The following FGF12 variants were observed in gnomAD, a reference collection of about 807,000 sequenced individuals.
FGF12 encodes the protein fibroblast growth factor 12, also known as fibroblast growth factor 12B.
A neutral mutation model predicts 23.6 loss-of-function variants in FGF12; 14 were observed. The observed-to-expected ratio is 0.59, with a 90% CI of 0.39 to 0.93. FGF12 has a LOEUF of 0.93. FGF12 is among the 40% of genes least tolerant of loss of function. FGF12 has a pLI of 0.00. For missense variants in FGF12, 175 were observed against 217.8 expected (o/e 0.80, Z 1.24); for synonymous variants, 62 against 77.3 (o/e 0.80, Z 1.04).
At chr3:192,172,480 A>G (rs1370230015) in intron 4 of FGF12, among the ~76,000 whole-genome samples, 2 of 150,798 alleles carry the variant, frequency 1.3e-5, no homozygotes. Context: ...ATGAATAGCA[A>G]TAAATTAATA....
At chr3:192,229,675 C>T (rs909504182) in intron 4 of FGF12, among the ~76,000 whole-genome samples, 6 of 152,014 alleles carry the variant, frequency 3.9e-5, no homozygotes, top group East Asian at 1.9e-4. Flanking sequence ...ATGTATATTT[C>T]TATGAGCAAT....
Position 192,408,488 on chromosome 3 carries a change from C to G in FGF12, c.14-47950G>C. ...GGGCGGGGCGGGGCGGTCCCAGGCC[C>G]TCTTGCGAAGTAGACGTTTGCACCC... On this transcript the variant is annotated intron_variant, in intron 2 of 5. Coordinates refer to ENST00000445105, the MANE Select transcript of FGF12 (RefSeq NM_004113.6). This position sits in a 1 kb window ranked among gnomAD's most constrained non-coding sequence, Gnocchi z 7.3. 1 of 1,306,744 alleles carries G rather than the reference C, an allele frequency of 7.7e-7. No homozygotes were observed. Among genetic ancestry groups the G allele is most frequent in the Non-Finnish European group, 9.7e-7 (1 of 1,029,674 alleles). The allele number at this position is 1,306,744 out of a possible 1,614,324, so 80.9% of individuals were successfully genotyped here. A position where few individuals can be genotyped will look rare whatever the true frequency, so the allele number is the denominator to read the frequency against.
At chr3:192,476,537 A>C (rs1331651079) in intron 2 of FGF12, among the ~76,000 whole-genome samples, 2 of 152,214 alleles carry the variant, frequency 1.3e-5, no homozygotes, top group African/African-American at 4.8e-5. Flanking sequence ...AGCCATCTGT[A>C]ATATGCCCCC....
At chr3:192,568,220 CT>C (rs1229088575) in intron 2 of FGF12, among the ~76,000 whole-genome samples, 1 of 152,180 alleles carries the variant, frequency 6.6e-6, no homozygotes, top group Non-Finnish European at 1.5e-5. Flanking sequence ...AGAACTACAT[CT>C]GCAAAGATCC....
chr3:192,319,918 A>G (rs1170927974), intron 4 of FGF12, among the ~76,000 whole-genome samples: 2 of 152,168 alleles, frequency 1.3e-5, no homozygotes, highest in African/African-American at 4.8e-5. Flanking sequence ...AAGAAAGATA[A>G]GAAAGAAGGA....
intron 2 of FGF12, among the ~76,000 whole-genome samples, chr3:192,575,471 A>T (rs1391082970): frequency 2.0e-5 from 3 of 152,226 alleles, no homozygotes; most frequent in Non-Finnish European, 4.4e-5. Context: ...GCAGTGGAAG[A>T]AGGGCTAACA....
rs1553841032 is a variant in FGF12, at chr3:192,141,789, GT to G, written c.*2219del. 9.5e-6 allele frequency: 1 copy of G among 105,466 alleles called. No homozygotes were observed. Among genetic ancestry groups the G allele is most frequent in the Non-Finnish European group, 2.3e-5 (1 of 43,380 alleles). 6.5% of individuals were successfully genotyped at this position (105,466 alleles called of 1,614,324 possible). A position where few individuals can be genotyped will look rare whatever the true frequency, so the allele number is the denominator to read the frequency against. ...CAATTGTGTTATTTATGAAACCATC[GT>G]TTTACTGATGAGTGTGTATGTGTAT... On this transcript the variant is annotated 3_prime_UTR_variant, in exon 6 of 6. Coordinates refer to ENST00000445105, the MANE Select transcript of FGF12 (RefSeq NM_004113.6).
chr3:192,328,837 G>T (rs1013073379), intron 4 of FGF12, among the ~76,000 whole-genome samples: 3 of 152,164 alleles, frequency 2.0e-5, no homozygotes, highest in Admixed American at 1.3e-4. Flanking sequence ...ATCTTTATAT[G>T]CTCAGTATGC....
intron 4 of FGF12, among the ~76,000 whole-genome samples, chr3:192,292,601 A>C (rs984218593): frequency 6.6e-6 from 1 of 152,180 alleles, no homozygotes; most frequent in African/African-American, 2.4e-5. Context: ...CTTTAAGTCT[A>C]AGATATTGAA....
At chr3:192,650,214 C>T (rs1464996056) in intron 2 of FGF12, among the ~76,000 whole-genome samples, 2 of 152,234 alleles carry the variant, frequency 1.3e-5, no homozygotes, top group Non-Finnish European at 2.9e-5. Context: ...ATACTTTAAA[C>T]ATTTTAATGG....
intron 2 of FGF12, among the ~76,000 whole-genome samples, chr3:192,605,335 C>T (rs1277112758): frequency 4.7e-5 from 7 of 150,420 alleles, no homozygotes; most frequent in African/African-American, 7.3e-5. Context: ...GAGCCAAGGT[C>T]GCACCACTGC....
At chr3:192,183,060 A>C (rs1215230242) in intron 4 of FGF12, among the ~76,000 whole-genome samples, 1 of 152,192 alleles carries the variant, frequency 6.6e-6, no homozygotes, top group Non-Finnish European at 1.5e-5. Flanking sequence ...CTCAGTGAGG[A>C]GAGACTATAA....
intron 2 of FGF12, among the ~76,000 whole-genome samples, chr3:192,666,972 C>T (rs1169641093): frequency 6.7e-6 from 1 of 150,322 alleles, no homozygotes; most frequent in East Asian, 2.0e-4. Context: ...TAAAGAACAT[C>T]ATAATATAAT....
In FGF12 at chr3:192,265,606, A is replaced by C. The variant is rs372909522; in HGVS notation, c.228+69755T>G. On this transcript the variant is annotated intron_variant, in intron 4 of 5. Transcript: ENST00000445105. ...AGAAGAATATTTGATGAAACCTGAA[A>C]ACTGTGTAAAATTTAACTTTCAATA... Among the ~76,000 whole-genome samples, 17 of 152,146 alleles carry C rather than the reference A, an allele frequency of 1.1e-4. No homozygotes were observed. The East Asian group carries it at 1.7e-3, about 15-fold the overall frequency.
chr3:192,695,116 A>G (rs1246521051), intron 2 of FGF12, among the ~76,000 whole-genome samples: 3 of 152,164 alleles, frequency 2.0e-5, no homozygotes, highest in Admixed American at 6.5e-5. Flanking sequence ...GTATCAAAAC[A>G]TCATGTAACC....
At chr3:192,586,836 C>T (rs1713391998) in intron 2 of FGF12, among the ~76,000 whole-genome samples, 1 of 152,140 alleles carries the variant, frequency 6.6e-6, no homozygotes, top group Non-Finnish European at 1.5e-5. Context: ...CTCATTTTTA[C>T]TCTTTAAAAA....
At chr3:192,685,143 C>A (rs1401979024) in intron 2 of FGF12, among the ~76,000 whole-genome samples, 1 of 152,084 alleles carries the variant, frequency 6.6e-6, no homozygotes, top group East Asian at 1.9e-4. Context: ...CCTCTGCCTC[C>A]CAGTTCACGC....
chr3:192,683,510 G>A (rs1030788504), intron 2 of FGF12, among the ~76,000 whole-genome samples: 2 of 152,114 alleles, frequency 1.3e-5, no homozygotes, highest in Admixed American at 1.3e-4. Context: ...TGTGATGAAT[G>A]ACATAAAAAA....
intron 2 of FGF12, among the ~76,000 whole-genome samples, chr3:192,491,690 A>G (rs1399702152): frequency 2.0e-5 from 3 of 152,180 alleles, no homozygotes; most frequent in Non-Finnish European, 4.4e-5. Flanking sequence ...GAAACTGTAT[A>G]TAAACTACAA....
Sources: gnomAD v4.1 joint callset for allele counts (sites outside exome capture counted in the v4.1 genomes callset) on GRCh38, gnomAD v4.1.1 for gene constraint, Gnocchi (gnomAD v3.1) non-coding constraint, MANE v1.5 for transcripts, NCBI Gene and HGNC (gene_info 2026-07-23, HGNC 2026-07-21) for gene names.